Variants in ZMYND11 observed in about 807,000 individuals in gnomAD.
The protein encoded by ZMYND11 is zinc finger MYND domain-containing protein 11.
Under a neutral mutation model 84.9 loss-of-function variants are expected in ZMYND11, and 9 were observed. The observed-to-expected ratio is 0.11, with a 90% confidence interval of 0.06 to 0.18. The LOEUF (loss-of-function observed/expected upper bound fraction) is 0.18, where lower values mean the gene tolerates loss of function less well. Among genes scored for constraint, ZMYND11 ranks in the 10% least tolerant of loss-of-function variants. The probability of loss-of-function intolerance (pLI) is 1.00; values close to 1 mark genes in which losing one functional copy is unlikely to be tolerated. For synonymous variants in ZMYND11, 250 were observed against 244.1 expected (o/e 1.02, Z -0.23); for missense variants, 409 against 761.0 (o/e 0.54, Z 5.44).
chr10:144,720 T>A (rs1838320716), intron 1 of ZMYND11, among the ~76,000 whole-genome samples: 1 of 146,906 alleles, frequency 6.8e-6, no homozygotes, highest in Admixed American at 6.8e-5. Flanking sequence ...ATTTTTTATT[T>A]CTACATATAA....
chr10:232,563 C>T (rs1454780060), intron 4 of ZMYND11, among the ~76,000 whole-genome samples: 1 of 152,176 alleles, frequency 6.6e-6, no homozygotes, highest in African/African-American at 2.4e-5. Context: ...TTCTGTCGGC[C>T]TCTGTGGCCT....
At chr10:140,734 T>C (rs1564251871) in intron 1 of ZMYND11, among the ~76,000 whole-genome samples, 2 of 152,246 alleles carry the variant, frequency 1.3e-5, no homozygotes. Flanking sequence ...TTTTAAAATG[T>C]GTTCAATCAG....
Position 252,216 on chromosome 10 carries a change from C to G in ZMYND11, c.1687-132C>G. 8.8e-7 allele frequency: 1 copy of G among 1,136,108 alleles called. No individual in the cohort carries two copies. The highest frequency in any genetic ancestry group is 1.2e-6 in the Non-Finnish European group (1 of 801,910). The allele number at this position is 1,136,108 out of a possible 1,614,324, so 70.4% of individuals were successfully genotyped here. A position where few individuals can be genotyped will look rare whatever the true frequency, so the allele number is the denominator to read the frequency against. On this transcript the variant is annotated intron_variant, in intron 14 of 14. Transcript: ENST00000381604. This position sits in a 1 kb window ranked among gnomAD's most constrained non-coding sequence, Gnocchi z 4.6. ...CCCTTTCCATCTGCTGTGCATAAAACGTATTCAGATTCCACAAAAGGTTGA... is the reference window on the plus strand; with the variant it reads ...CCCTTTCCATCTGCTGTGCATAAAAGGTATTCAGATTCCACAAAAGGTTGA...
At chr10:239,814 T>C in intron 7 of ZMYND11, 1 of 548,982 alleles carries the variant, frequency 1.8e-6, no homozygotes, top group East Asian at 2.9e-5. Context: ...TCTGATCATT[T>C]CCCCACTAGT....
At chr10:214,237 A>C (rs1417384035) in intron 3 of ZMYND11, among the ~76,000 whole-genome samples, 1 of 152,162 alleles carries the variant, frequency 6.6e-6, no homozygotes, top group African/African-American at 2.4e-5. Context: ...TAGAATGAAA[A>C]AAGTAATTAT....
Position 153,844 on chromosome 10 carries a change from G to A in ZMYND11, c.-20+18285G>A, listed in dbSNP as rs184657320. On this transcript the variant is annotated intron_variant, in intron 1 of 14. Coordinates refer to ENST00000381604, the MANE Select transcript of ZMYND11 (RefSeq NM_001370100.5). The stretch of plus-strand genomic sequence containing the variant: ...GTTTCTTCCACATAACCCATTCCCT[G>A]TGTAACCTTTAGCAAATATTAAAAA... 6.6e-5 allele frequency among the ~76,000 whole-genome samples: 10 copies of A among 152,314 alleles called. No homozygotes were observed. In the East Asian group the frequency reaches 1.9e-3, roughly 29 times the overall value.
chr10:238,512 A>G (rs1303795687), intron 6 of ZMYND11, among the ~76,000 whole-genome samples: 1 of 151,852 alleles, frequency 6.6e-6, no homozygotes. Context: ...GCCCGACACC[A>G]CGCCCACCTA....
At chr10:179,865 T>C in intron 1 of ZMYND11, 129 bp from the exon 2 acceptor site, 1 of 504,332 alleles carries the variant, frequency 2.0e-6, no homozygotes, top group Non-Finnish European at 3.5e-6. Context: ...TAGAAAAAAA[T>C]AGAAAGTGGG....
chr10:249,373 A>T (rs1315753418), intron 14 of ZMYND11: 1 of 1,136,216 alleles, frequency 8.8e-7, no homozygotes, highest in South Asian at 3.1e-5. Flanking sequence ...CCATCTATGC[A>T]TATATTTTAT....
Position 237,635 on chromosome 10 carries a change from G to A in ZMYND11, c.567G>A (p.Arg189=), listed in dbSNP as rs1412023334. ...AGGACAATAAACACCCGATGTACAG[G>A]AGGCTGGTGCACTCAGCTGTGGACG... ...KGKDNKHPMY[R]RLVHSAVDVP... Residue 189 remains arginine, a synonymous_variant, in exon 6 of 15, where the codon AGG becomes AGA. Transcript: ENST00000381604. 1.2e-6 allele frequency: 2 copies of A among 1,613,670 alleles called. No homozygotes were observed. Among genetic ancestry groups the A allele is most frequent in the Admixed American group, 3.3e-5 (2 of 59,892 alleles).
At chr10:246,122 C>A (rs1437094620) in intron 10 of ZMYND11, among the ~76,000 whole-genome samples, 1 of 152,134 alleles carries the variant, frequency 6.6e-6, no homozygotes, top group African/African-American at 2.4e-5. Context: ...TGTAGTTGTC[C>A]TGCTCTAGTT....
intron 1 of ZMYND11, among the ~76,000 whole-genome samples, chr10:144,025 C>A (rs1201588670): frequency 6.7e-6 from 1 of 149,574 alleles, no homozygotes; most frequent in East Asian, 2.0e-4. Context: ...AAAAAAACTG[C>A]CATTTGAATC....
chr10:133,312 T>C (rs1554750387), upstream of ZMYND11, among the ~76,000 whole-genome samples: 1 of 152,252 alleles, frequency 6.6e-6, no homozygotes, highest in Admixed American at 6.5e-5. Context: ...TCTTCTATTG[T>C]ACATTATCCA....
intron 11 of ZMYND11, 22 bp from the exon 12 acceptor site, chr10:247,376 A>G (rs770749557): frequency 6.2e-7 from 1 of 1,613,046 alleles, no homozygotes; most frequent in Non-Finnish European, 8.5e-7. Flanking sequence ...GGAATAATAT[A>G]TTACTTTTAT....
intron 1 of ZMYND11, among the ~76,000 whole-genome samples, chr10:145,272 C>T (rs1353973074): frequency 1.3e-5 from 2 of 149,828 alleles, no homozygotes; most frequent in Non-Finnish European, 3.0e-5. Context: ...ATATATATAT[C>T]ACTTTTTCTT....
intron 1 of ZMYND11, among the ~76,000 whole-genome samples, chr10:157,600 G>C (rs1203483228): frequency 6.6e-6 from 1 of 152,106 alleles, no homozygotes; most frequent in Admixed American, 6.5e-5. Flanking sequence ...GAAAGGAAGG[G>C]GCAACATGTT....
chr10:212,331 T>G (rs1945388159), intron 3 of ZMYND11, among the ~76,000 whole-genome samples: 1 of 152,156 alleles, frequency 6.6e-6, no homozygotes, highest in South Asian at 2.1e-4. Flanking sequence ...GATGAAATAT[T>G]ATATGTAAAC....
intron 1 of ZMYND11, among the ~76,000 whole-genome samples, chr10:167,276 AAAT>A (rs1397669535): frequency 1.1e-4 from 16 of 152,212 alleles, no homozygotes; most frequent in African/African-American, 3.1e-4. Context: ...TTTTAAAAAT[AAAT>A]AATATTATGT....
intron 2 of ZMYND11, among the ~76,000 whole-genome samples, chr10:200,092 G>A (rs968937164): frequency 1.3e-5 from 2 of 151,176 alleles, no homozygotes; most frequent in African/African-American, 4.9e-5. Flanking sequence ...TAGGAATGAT[G>A]AATACACACC....
Sources: gnomAD v4.1 joint callset for allele counts (sites outside exome capture counted in the v4.1 genomes callset) on GRCh38, gnomAD v4.1.1 for gene constraint, Gnocchi (gnomAD v3.1) non-coding constraint, MANE v1.5 for transcripts, NCBI Gene and HGNC (gene_info 2026-07-23, HGNC 2026-07-21) for gene names.